Variants in SCART1 observed in about 807,000 individuals in gnomAD.
SCART1 encodes the protein scavenger receptor cysteine-rich domain-containing protein SCART1.
In SCART1, 62 loss-of-function variants were observed where a neutral mutation model predicts 36.2. The observed-to-expected ratio is 1.71, with a 90% confidence interval of 1.40 to 2.12. The LOEUF is 2.12. SCART1 is among the 30% of genes most tolerant of loss of function. The probability of loss-of-function intolerance (pLI) is 0.00; values close to 1 mark genes in which losing one functional copy is unlikely to be tolerated. For synonymous variants in SCART1, 487 were observed against 238.7 expected (o/e 2.04, Z -9.59); for missense variants, 1,041 against 540.5 (o/e 1.93, Z -9.18).
chr10:133,460,355 C>T (rs947644834), intron 6 of SCART1, among the ~76,000 whole-genome samples, 185 bp downstream of exon 6: 13 of 151,786 alleles, frequency 8.6e-5, no homozygotes, highest in Admixed American at 8.5e-4. Flanking sequence ...ACTTTGGTTC[C>T]GTGCACCTGG....
chr10:133,458,476 C>T (rs1294954555), exon 4 of SCART1: 12 of 692,580 alleles, frequency 1.7e-5, no homozygotes, highest in South Asian at 3.0e-5. Flanking sequence ...CGTGGTGTGC[C>T]GGGAGCTGCA....
chr10:133,458,155 T>C lies in SCART1; in HGVS notation c.683-205T>C, dbSNP rs1016156379. On this transcript the variant is annotated intron_variant, in intron 3 of 11. Coordinates refer to ENST00000640237, the Ensembl canonical transcript of SCART1. ...GCAGCAGGTGACCCTGACCCTGACC[T>C]TGGTGATGCGGCCAAGGACGTCTGC... The C allele has an allele frequency of 1.4e-5, 10 of 697,406 alleles. 1 individual carries two copies. In the Middle Eastern group the frequency reaches 1.9e-3, roughly 131 times the overall value. 43.2% of individuals were successfully genotyped at this position (697,406 alleles called of 1,614,324 possible).
At chr10:133,467,860 G>A (rs1402392765) in exon 12 of SCART1, 9 of 688,426 alleles carry the variant, frequency 1.3e-5, no homozygotes, top group Non-Finnish European at 2.1e-5. Context: ...CAGGGGAGGT[G>A]TCTAACCTCC....
At position 133,457,967 on chromosome 10, in the gene SCART1, A is replaced by G. The variant is rs183552117; in HGVS notation, c.682+392A>G. 3 of 507,776 alleles carry G rather than the reference A, an allele frequency of 5.9e-6. No homozygotes were observed. In the Admixed American group the frequency reaches 9.8e-5, roughly 17 times the overall value. 31.5% of individuals were successfully genotyped at this position (507,776 alleles called of 1,614,324 possible). ...CACAGCTCCTGGCCTTGTTGTGCAT[A>G]TGAGGAGCAGCTGAAATGAGGTGGA... On this transcript the variant is annotated intron_variant, in intron 3 of 11. Coordinates refer to ENST00000640237, the Ensembl canonical transcript of SCART1.
At chr10:133,455,754 G>T (rs1004067031) in intron 1 of SCART1, among the ~76,000 whole-genome samples, 1 of 152,046 alleles carries the variant, frequency 6.6e-6, no homozygotes. Context: ...CATAGTGGGA[G>T]GGCAGGCAGG....
Position 133,458,219 on chromosome 10 carries a change from A to G in SCART1, c.683-141A>G, listed in dbSNP as rs535440322. 6.1e-5 allele frequency: 43 copies of G among 700,640 alleles called. No homozygotes were observed. In the African/African-American group the frequency reaches 7.0e-4, roughly 11 times the overall value. The allele number at this position is 700,640 out of a possible 1,614,324, so 43.4% of individuals were successfully genotyped here. A position where few individuals can be genotyped will look rare whatever the true frequency, so the allele number is the denominator to read the frequency against. On this transcript the variant is annotated intron_variant, in intron 3 of 11. Transcript: ENST00000640237. ...CCGGGTGGAAGGGCCTGTGGCTGCA[A>G]GTTCCTGCCTGTGCTTGGTAGACCC...
At chr10:133,466,793 A>C (rs1234955027) in intron 10 of SCART1, among the ~76,000 whole-genome samples, 2 of 152,236 alleles carry the variant, frequency 1.3e-5, no homozygotes, top group African/African-American at 4.8e-5. Flanking sequence ...GCCTTCCCGG[A>C]ACTGGAGTTG....
chr10:133,458,465 A>T (rs1850648519), exon 4 of SCART1: 1 of 694,772 alleles, frequency 1.4e-6, no homozygotes, highest in Non-Finnish European at 2.6e-6. Flanking sequence ...GCCACGGCCC[A>T]CGTGGTGTGC....
exon 4 of SCART1, chr10:133,458,505 C>T (rs1394366747): frequency 5.9e-6 from 4 of 681,216 alleles, no homozygotes; most frequent in South Asian, 4.7e-5. Flanking sequence ...CGGTCGTGTC[C>T]ACGCCCGAGG....
At chr10:133,464,762 T>G (rs1850743200) in exon 7 of SCART1, 1 of 699,984 alleles carries the variant, frequency 1.4e-6, no homozygotes, top group African/African-American at 1.8e-5. Context: ...GTGTGGGGAG[T>G]GGGGCTGGCT....
At chr10:133,465,744 A>C (rs983374870) in intron 9 of SCART1, 179 bp downstream of exon 9, 2 of 644,398 alleles carry the variant, frequency 3.1e-6, no homozygotes, top group Admixed American at 4.5e-5. Context: ...TGGGACATGC[A>C]CTCCCTGGGG....
At chr10:133,454,222 A>G (rs1440013137) in intron 1 of SCART1, among the ~76,000 whole-genome samples, 158 bp downstream of exon 1, 2 of 151,874 alleles carry the variant, frequency 1.3e-5, no homozygotes, top group Non-Finnish European at 1.5e-5. Flanking sequence ...GAGGGAGGTG[A>G]CTCCACATGG....
intron 6 of SCART1, among the ~76,000 whole-genome samples, chr10:133,463,114 T>C (rs1236883481): frequency 6.6e-6 from 1 of 152,210 alleles, no homozygotes; most frequent in Non-Finnish European, 1.5e-5. Context: ...GTGACCATAT[T>C]AGTCTTTTGG....
chr10:133,459,257 A>G, exon 5 of SCART1: 1 of 680,180 alleles, frequency 1.5e-6, no homozygotes, highest in Non-Finnish European at 2.7e-6. Flanking sequence ...CTACTTGTGG[A>G]ATTGCCCAGT....
At chr10:133,464,388 T>G in intron 6 of SCART1, 1 of 494,220 alleles carries the variant, frequency 2.0e-6, no homozygotes, top group East Asian at 3.3e-5. Context: ...GGCGTGCAGA[T>G]GTTTCTGCTG....
chr10:133,459,242 G>C (rs760257640), exon 5 of SCART1: 11 of 691,014 alleles, frequency 1.6e-5, no homozygotes, highest in Middle Eastern at 4.6e-4. Context: ...TGAGGGGACA[G>C]AGTCCTACTT....
chr10:133,459,893 G>T, exon 6 of SCART1: 1 of 544,672 alleles, frequency 1.8e-6, no homozygotes, highest in Middle Eastern at 3.3e-4. Flanking sequence ...CTCAGGGTGC[G>T]GCTGGCCGCG....
chr10:133,458,895 G>T lies in SCART1; in HGVS notation c.980-126G>T, dbSNP rs910071263. The stretch of plus-strand genomic sequence containing the variant: ...GGATGCTGATGCAGAGGAGGGTGGG[G>T]GAGCTGGTGAGACCAAGGCTGGGCT... On this transcript the variant is annotated intron_variant, in intron 4 of 11. Coordinates refer to ENST00000640237, the Ensembl canonical transcript of SCART1. 3.5e-5 allele frequency: 22 copies of T among 624,082 alleles called. No homozygotes were observed. The Admixed American group carries it at 6.3e-4, about 18-fold the overall frequency. The allele number at this position is 624,082 out of a possible 1,614,324, so 38.7% of individuals were successfully genotyped here.
At chr10:133,457,885 G>A in intron 3 of SCART1, 2 of 532,930 alleles carry the variant, frequency 3.8e-6, no homozygotes, top group Non-Finnish European at 6.7e-6. Context: ...GATCGGGGTT[G>A]GGTAGAGGTC....
Sources: gnomAD v4.1 joint callset for allele counts (sites outside exome capture counted in the v4.1 genomes callset) on GRCh38, gnomAD v4.1.1 for gene constraint, MANE v1.5 for transcripts, NCBI Gene and HGNC (gene_info 2026-07-23, HGNC 2026-07-21) for gene names.